FA2H: variants seen among roughly 807,000 people sequenced by gnomAD.
FA2H encodes fatty acid 2-hydroxylase, also known as fatty acid alpha-hydroxylase.
FA2H carries 22 observed loss-of-function variants against 44.9 expected under a neutral mutation model. The observed-to-expected ratio is 0.49, with a 90% CI of 0.35 to 0.70. The LOEUF (loss-of-function observed/expected upper bound fraction) is 0.70, where lower values mean the gene tolerates loss of function less well. Among genes scored for constraint, FA2H ranks in the 30% least tolerant of loss-of-function variants. The pLI is 0.01. For missense variants in FA2H, 501 were observed against 504.9 expected (o/e 0.99, Z 0.07); for synonymous variants, 243 against 213.2 (o/e 1.14, Z -1.22).
intron 2 of FA2H, among the ~76,000 whole-genome samples, chr16:74,729,431 T>G (rs1962030767): frequency 6.6e-6 from 1 of 152,218 alleles, no homozygotes; most frequent in South Asian, 2.1e-4. Context: ...AGCGTGCCAC[T>G]ACGCAGGCTT....
rs144375022 is a variant in FA2H at position 74,769,589 on chromosome 16, C to A, written c.270+4897G>T. Among the ~76,000 whole-genome samples the A allele has an allele frequency of 1.6e-3, 236 of 152,202 alleles. 2 individuals carry two copies. The highest frequency in any genetic ancestry group is 5.4e-3 in the African/African-American group (226 of 41,544). On this transcript the variant is annotated intron_variant, in intron 1 of 6. Coordinates refer to ENST00000219368, the MANE Select transcript of FA2H (RefSeq NM_024306.5). Reference sequence around the variant, plus strand: ...AGTAACCAGAGTATAGTACACCAAACTGGGGGGAAAAAAACCTGGGGTGGT... The same window carrying A: ...AGTAACCAGAGTATAGTACACCAAAATGGGGGGAAAAAAACCTGGGGTGGT...
At chr16:74,756,694 A>G (rs980493911) in intron 1 of FA2H, among the ~76,000 whole-genome samples, 1 of 152,218 alleles carries the variant, frequency 6.6e-6, no homozygotes, top group Non-Finnish European at 1.5e-5. Context: ...CTAAATAACT[A>G]TATATGTAAA....
chr16:74,768,088 G>A (rs779119738), intron 1 of FA2H, among the ~76,000 whole-genome samples: 9 of 152,162 alleles, frequency 5.9e-5, no homozygotes, highest in Non-Finnish European at 1.2e-4. Flanking sequence ...GACCAATGAG[G>A]AGCATGTGTC....
intron 1 of FA2H, among the ~76,000 whole-genome samples, chr16:74,767,765 T>G (rs940064154): frequency 1.2e-4 from 18 of 152,110 alleles, no homozygotes; most frequent in African/African-American, 4.3e-4. Context: ...TGTAAGAGAG[T>G]AAATGTGTGT....
At chr16:74,721,495 A>G (rs544249644) in intron 4 of FA2H, among the ~76,000 whole-genome samples, 21 of 151,844 alleles carry the variant, frequency 1.4e-4, no homozygotes, top group Non-Finnish European at 2.8e-4. Flanking sequence ...CCCTTACTCC[A>G]TCTCCCTCAC....
intron 1 of FA2H, among the ~76,000 whole-genome samples, chr16:74,761,169 G>C (rs1962700611): frequency 6.6e-6 from 1 of 152,092 alleles, no homozygotes; most frequent in Non-Finnish European, 1.5e-5. Flanking sequence ...AATGTAGATA[G>C]GGTCGGGCGC....
At chr16:74,756,194 C>T (rs940549247) in intron 1 of FA2H, among the ~76,000 whole-genome samples, 2 of 152,200 alleles carry the variant, frequency 1.3e-5, no homozygotes, top group African/African-American at 4.8e-5. Flanking sequence ...ATCTGGCCTG[C>T]AGGCCTCCCC....
intron 1 of FA2H, among the ~76,000 whole-genome samples, chr16:74,772,240 C>T (rs1030960013): frequency 2.0e-5 from 3 of 152,190 alleles, no homozygotes; most frequent in Admixed American, 6.5e-5. Context: ...AGCCTTCACA[C>T]GTGCTGTTCC....
intron 1 of FA2H, among the ~76,000 whole-genome samples, chr16:74,771,467 A>G (rs1567653133): frequency 6.6e-6 from 1 of 151,980 alleles, no homozygotes; most frequent in Non-Finnish European, 1.5e-5. Context: ...CTGGGAGGGC[A>G]CCACCACACC....
chr16:74,721,733 A>G (rs1470524538), intron 4 of FA2H, among the ~76,000 whole-genome samples: 1 of 152,074 alleles, frequency 6.6e-6, no homozygotes, highest in African/African-American at 2.4e-5. Flanking sequence ...CCTTCCACCC[A>G]GCTTCCTACT....
chr16:74,737,337 C>T (rs1962201955), intron 2 of FA2H, among the ~76,000 whole-genome samples: 1 of 152,176 alleles, frequency 6.6e-6, no homozygotes, highest in African/African-American at 2.4e-5. Context: ...GAATCCACAA[C>T]CTGGCTTCTT....
In FA2H at chr16:74,774,763, G is replaced by T. The variant is rs1597577917; in HGVS notation, c.-8C>A. ...GGGCGGAGCGGGGGCCATGGCCGGA[G>T]ACCGCAGCTCCCAGCGCGCAGCCCG... On this transcript the variant is annotated 5_prime_UTR_variant, in exon 1 of 7. Coordinates refer to ENST00000219368, the MANE Select transcript of FA2H (RefSeq NM_024306.5). 6.2e-6 allele frequency: 8 copies of T among 1,298,478 alleles called. No individual in the cohort carries two copies. The highest frequency in any genetic ancestry group is 7.8e-6 in the Non-Finnish European group (8 of 1,030,610). The allele number at this position is 1,298,478 out of a possible 1,614,324, so 80.4% of individuals were successfully genotyped here.
At chr16:74,750,272 T>C (rs544683208) in intron 1 of FA2H, among the ~76,000 whole-genome samples, 4 of 152,118 alleles carry the variant, frequency 2.6e-5, no homozygotes, top group African/African-American at 9.7e-5. Flanking sequence ...ACCCAACTAG[T>C]ATAATAAAAC....
chr16:74,747,322 A>C (rs1280116502), intron 1 of FA2H, among the ~76,000 whole-genome samples: 1 of 48,596 alleles, frequency 2.1e-5, no homozygotes, highest in Non-Finnish European at 3.7e-5. Flanking sequence ...AAATAAATAA[A>C]TAAATAAATA....
intron 1 of FA2H, among the ~76,000 whole-genome samples, chr16:74,743,060 C>T (rs907287707): frequency 2.0e-5 from 3 of 151,814 alleles, no homozygotes; most frequent in Non-Finnish European, 2.9e-5. Flanking sequence ...CTATGTTGTC[C>T]AGTCTGGTCT....
chr16:74,756,371 TGTG>T (rs1252213675), intron 1 of FA2H, among the ~76,000 whole-genome samples: 1 of 152,084 alleles, frequency 6.6e-6, no homozygotes, highest in Non-Finnish European at 1.5e-5. Context: ...GGACAACCAC[TGTG>T]GGCCACACAC....
intron 4 of FA2H, 90 bp from the exon 5 acceptor site, chr16:74,719,250 G>A (rs924557156): frequency 4.7e-5 from 54 of 1,154,622 alleles, no homozygotes; most frequent in Middle Eastern, 2.5e-4. Flanking sequence ...CCATCAGCTC[G>A]GGAGCTGCTG....
intron 5 of FA2H, among the ~76,000 whole-genome samples, chr16:74,718,461 G>A (rs752710721): frequency 2.0e-5 from 3 of 152,118 alleles, no homozygotes; most frequent in Non-Finnish European, 2.9e-5. Context: ...CTCAGGGGAA[G>A]GGTGATTGAG....
chr16:74,754,328 G>A (rs1389639856), intron 1 of FA2H, among the ~76,000 whole-genome samples: 1 of 152,110 alleles, frequency 6.6e-6, no homozygotes, highest in Non-Finnish European at 1.5e-5. Flanking sequence ...CCTGGGAGGT[G>A]GAGGTTGCAG....
Sources: allele counts gnomAD v4.1 joint callset (sites outside exome capture counted in the v4.1 genomes callset), GRCh38; gene constraint gnomAD v4.1.1; transcripts MANE v1.5; gene names NCBI Gene and HGNC (gene_info 2026-07-23, HGNC 2026-07-21).